FSTL1: variants seen among roughly 807,000 people sequenced by gnomAD.
The protein encoded by FSTL1 is follistatin like 1.
FSTL1 carries 24 observed loss-of-function variants against 45.9 expected under a neutral mutation model. That is an observed-to-expected ratio of 0.52 (90% CI 0.38 to 0.74). FSTL1 has a LOEUF of 0.74. Ranked by LOEUF, FSTL1 falls within the 30% of genes least tolerant of loss-of-function variation. FSTL1 has a pLI of 0.00. For missense variants in FSTL1, 340 were observed against 381.8 expected (o/e 0.89, Z 0.91); for synonymous variants, 120 against 137.6 (o/e 0.87, Z 0.89).
intron 2 of FSTL1, 68 bp from the exon 3 acceptor site, chr3:120,416,095 G>C (rs1296795769): frequency 5.4e-6 from 6 of 1,119,656 alleles, no homozygotes; most frequent in African/African-American, 3.0e-5. Flanking sequence ...AGCCCATAAT[G>C]AGATTATCTT....
intron 2 of FSTL1, among the ~76,000 whole-genome samples, chr3:120,444,187 C>T (rs1937687998): frequency 6.7e-6 from 1 of 149,590 alleles, no homozygotes; most frequent in Admixed American, 6.6e-5. Context: ...CATCTATTAC[C>T]CTATGTTGTT....
chr3:120,433,457 T>G (rs1349114315), intron 2 of FSTL1, among the ~76,000 whole-genome samples: 8 of 152,216 alleles, frequency 5.3e-5, no homozygotes, highest in Admixed American at 5.2e-4. Context: ...ATATGAGACA[T>G]TTGGCCTTAT....
rs183438990 is a variant in FSTL1 at position 120,423,711 on chromosome 3, C to T, written c.64-7684G>A. 6.6e-5 allele frequency: 10 copies of T among 152,366 alleles called. No homozygotes were observed. The East Asian group carries it at 1.5e-3, about 24-fold the overall frequency. The allele number at this position is 152,366 out of a possible 1,614,324, so 9.4% of individuals were successfully genotyped here. On this transcript the variant is annotated intron_variant, in intron 2 of 10. Transcript: ENST00000295633. ...AACACAGGAACACCCAGTGACTCCA[C>T]TGCTACTGACAGGGTCTTTCGGGCT... is the stretch of plus-strand genomic sequence containing the variant.
At chr3:120,444,780 A>G (rs1937701519) in intron 2 of FSTL1, among the ~76,000 whole-genome samples, 1 of 150,076 alleles carries the variant, frequency 6.7e-6, no homozygotes, top group Non-Finnish European at 1.5e-5. Flanking sequence ...GATAATTTCT[A>G]ACACATTTGT....
rs548571526 is a variant in FSTL1, at chr3:120,445,395, G to GAC, written c.63+5287_63+5288dup. On this transcript the variant is annotated intron_variant, in intron 2 of 10. Transcript: ENST00000295633. ...AACTTGCTAAATGTTACCTGGGCTA[G>GAC]ACACCAAGAGAAGAGACAGATTAAA... is the stretch of plus-strand genomic sequence containing the variant. 5.5e-4 allele frequency among the ~76,000 whole-genome samples: 83 copies of GAC among 149,602 alleles called. 8 individuals carry two copies. The highest frequency in any genetic ancestry group is 2.0e-3 in the African/African-American group (77 of 38,992).
At chr3:120,409,699 G>T (rs757861275) in intron 5 of FSTL1, 37 bp from the exon 6 acceptor site, 2 of 1,609,268 alleles carry the variant, frequency 1.2e-6, no homozygotes, top group Admixed American at 3.3e-5. Flanking sequence ...GGAGCAGTCA[G>T]GGGAGGACCC....
intron 3 of FSTL1, 158 bp downstream of exon 3, chr3:120,415,765 A>G (rs1330993619): frequency 2.0e-6 from 1 of 512,442 alleles, no homozygotes; most frequent in Non-Finnish European, 3.5e-6. Context: ...TGCTTTAAAA[A>G]TCAGGAATCT....
chr3:120,402,534 T>A (rs1006174403), intron 9 of FSTL1, among the ~76,000 whole-genome samples: 2 of 152,286 alleles, frequency 1.3e-5, no homozygotes, highest in Non-Finnish European at 2.9e-5. Context: ...TTCCATAATG[T>A]TACTATTCCA....
intron 7 of FSTL1, among the ~76,000 whole-genome samples, chr3:120,404,245 T>A (rs1410667153): frequency 6.6e-6 from 1 of 152,240 alleles, no homozygotes; most frequent in Non-Finnish European, 1.5e-5. Context: ...TTTAAGGTCA[T>A]AGACTATTAT....
At chr3:120,416,714 C>T (rs1023648982) in intron 2 of FSTL1, among the ~76,000 whole-genome samples, 1 of 152,136 alleles carries the variant, frequency 6.6e-6, no homozygotes, top group Non-Finnish European at 1.5e-5. Flanking sequence ...TGCTATGGTC[C>T]CATTTAGCCC....
intron 2 of FSTL1, among the ~76,000 whole-genome samples, chr3:120,449,718 G>A (rs1937839699): frequency 6.6e-6 from 1 of 152,112 alleles, no homozygotes; most frequent in African/African-American, 2.4e-5. Flanking sequence ...CGATGCTAAG[G>A]GTGTGGTTAA....
chr3:120,412,907 C>G (rs1937101215), intron 3 of FSTL1, among the ~76,000 whole-genome samples: 1 of 151,660 alleles, frequency 6.6e-6, no homozygotes, highest in Non-Finnish European at 1.5e-5. Context: ...CTGTAAGGAT[C>G]TCTTGCTGTA....
At position 120,409,645 on chromosome 3, in the gene FSTL1, T is replaced by A; in HGVS notation, c.349A>T (p.Asn117Tyr). The A allele has an allele frequency of 6.2e-7, 1 of 1,614,132 alleles. No homozygotes were observed. The change falls in exon 6 of 11, where the codon AAC (asparagine) becomes TAC (tyrosine). Residue 117 changes from asparagine (N) to tyrosine (Y), a missense_variant. Transcript: ENST00000295633. ...SASPVVCYQSNRDELRRRIIQ... is the reference protein window; with the variant it reads ...SASPVVCYQSYRDELRRRIIQ... ...ATGCGACGTCGGAGCTCATCACGGT[T>A]GGACTGATAGCAAACAACTGCAGGA... is the stretch of plus-strand genomic sequence containing the variant.
intron 2 of FSTL1, among the ~76,000 whole-genome samples, chr3:120,446,176 T>A (rs1937735306): frequency 6.6e-6 from 1 of 152,218 alleles, no homozygotes; most frequent in African/African-American, 2.4e-5. Flanking sequence ...TCATATGTGA[T>A]CACTGGTAAT....
intron 2 of FSTL1, among the ~76,000 whole-genome samples, chr3:120,419,906 C>T (rs971435804): frequency 6.6e-6 from 1 of 152,178 alleles, no homozygotes; most frequent in Non-Finnish European, 1.5e-5. Context: ...TATCTCTGTC[C>T]TCACAACCTC....
intron 9 of FSTL1, among the ~76,000 whole-genome samples, chr3:120,401,974 T>C (rs1936836077): frequency 6.6e-6 from 1 of 152,244 alleles, no homozygotes; most frequent in East Asian, 1.9e-4. Flanking sequence ...CACCCTTCTC[T>C]GTCTTGCCTC....
intron 5 of FSTL1, chr3:120,410,636 T>A (rs754409203): frequency 1.1e-5 from 5 of 454,152 alleles, no homozygotes; most frequent in Non-Finnish European, 2.2e-5. Flanking sequence ...GCTGGTCCCA[T>A]GACACGAGCA....
Position 120,425,586 on chromosome 3 carries a change from G to T in FSTL1, c.64-9559C>A, listed in dbSNP as rs188068844. On this transcript the variant is annotated intron_variant, in intron 2 of 10. Transcript: ENST00000295633. ...TCAGCTATAAAATGCAGAGGTTATA[G>T]ATGATGCCTAAGTCCCTTAAGCTGT... is the stretch of plus-strand genomic sequence containing the variant. 1.3e-4 allele frequency among the ~76,000 whole-genome samples: 20 copies of T among 152,314 alleles called. No homozygotes were observed. In the East Asian group the frequency reaches 3.5e-3, roughly 26 times the overall value.
intron 3 of FSTL1, among the ~76,000 whole-genome samples, chr3:120,412,850 A>ACT (rs1937099149): frequency 1.3e-5 from 2 of 150,822 alleles, no homozygotes; most frequent in Non-Finnish European, 3.0e-5. Flanking sequence ...ACACACACAC[A>ACT]CACACACACA....
Sources: allele counts gnomAD v4.1 joint callset (sites outside exome capture counted in the v4.1 genomes callset), GRCh38; gene constraint gnomAD v4.1.1; transcripts MANE v1.5; gene names NCBI Gene and HGNC (gene_info 2026-07-23, HGNC 2026-07-21).